The following ARMH4 variants were observed in gnomAD, a reference collection of about 807,000 sequenced individuals.
ARMH4 encodes armadillo like helical domain containing 4.
Under a neutral mutation model 61.9 loss-of-function variants are expected in ARMH4, and 49 were observed. The observed-to-expected ratio is 0.79, with a 90% CI of 0.63 to 1.00. ARMH4 has a LOEUF of 1.00. Among genes scored for constraint, ARMH4 ranks in the 50% least tolerant of loss-of-function variants. ARMH4 has a pLI of 0.00. For missense variants in ARMH4, 934 were observed against 930.0 expected (o/e 1.00, Z -0.06); for synonymous variants, 368 against 341.5 (o/e 1.08, Z -0.85).
At chr14:58,031,233 T>G (rs1883218391) in intron 5 of ARMH4, among the ~76,000 whole-genome samples, 1 of 152,196 alleles carries the variant, frequency 6.6e-6, no homozygotes, top group South Asian at 2.1e-4. Context: ...TGAGCATCGA[T>G]TAGACACTAG....
In ARMH4 at chr14:58,131,677, C is replaced by T; in HGVS notation, c.1666G>A (p.Val556Ile). Residue 556 changes from valine to isoleucine, a missense_variant, in exon 4 of 8, where the codon GTT becomes ATT. Coordinates refer to ENST00000267485, the MANE Select transcript of ARMH4 (RefSeq NM_001001872.4). ...GGAGGTGTCACTGGAGATCCCAGAA[C>T]TGGTGTGAACTCCTCATTTGGCCCT... ...VTGPNEEFTP[V>I]LGSPVTPPGI... The T allele has an allele frequency of 6.2e-7, 1 of 1,613,670 alleles. No individual in the cohort carries two copies.
At position 58,138,608 on chromosome 14, in the gene ARMH4, T is replaced by C. The variant is rs775761256; in HGVS notation, c.751A>G (p.Thr251Ala). The C allele has an allele frequency of 6.2e-7, 1 of 1,614,132 alleles. No homozygotes were observed. The highest frequency in any genetic ancestry group is 8.5e-7 in the Non-Finnish European group (1 of 1,180,022). The change falls in exon 2 of 8, where the codon ACC becomes GCC. Residue 251 changes from threonine (T) to alanine (A), a missense_variant. By Grantham distance (58) the Thr-to-Ala change is moderately conservative. Transcript: ENST00000267485. ...TGCGAAGGCTTCTCCTTATCAGGGG[T>C]GAGGCTTCCAGGCTCACTGCCTGCT... ...STAGSEPGSL[T>A]PDKEKPSQMT...
chr14:58,127,236 C>T (rs1392226758), intron 4 of ARMH4, among the ~76,000 whole-genome samples: 1 of 152,152 alleles, frequency 6.6e-6, no homozygotes, highest in Non-Finnish European at 1.5e-5. Context: ...CAAATTTCAT[C>T]TTGAATTGTA....
In ARMH4 at chr14:58,004,502, C is replaced by T. The variant is rs1355494684; in HGVS notation, c.*234G>A. Reference sequence around the variant, plus strand: ...TGTTGCATATTTATGAGTTGTAGCCCACGGTTGTGGAAAATTCACTACAGA... The same window carrying T: ...TGTTGCATATTTATGAGTTGTAGCCTACGGTTGTGGAAAATTCACTACAGA... On this transcript the variant is annotated 3_prime_UTR_variant, in exon 8 of 8. Transcript: ENST00000267485. The T allele has an allele frequency of 2.9e-5, 11 of 382,788 alleles. No homozygotes were observed. Among genetic ancestry groups the T allele is most frequent in the Non-Finnish European group, 5.2e-5 (11 of 210,516 alleles). 23.7% of individuals were successfully genotyped at this position (382,788 alleles called of 1,614,324 possible).
intron 5 of ARMH4, among the ~76,000 whole-genome samples, chr14:58,028,041 T>C (rs1883083751): frequency 6.6e-6 from 1 of 152,168 alleles, no homozygotes; most frequent in Non-Finnish European, 1.5e-5. Flanking sequence ...TAAGCAAGCA[T>C]GTTACACACC....
At position 58,036,953 on chromosome 14, in the gene ARMH4, A is replaced by T. The variant is rs1236978167; in HGVS notation, c.2090-24803T>A. Among the ~76,000 whole-genome samples the T allele has an allele frequency of 2.5e-5, 3 of 120,414 alleles. 1 individual carries two copies. The highest frequency in any genetic ancestry group is 9.0e-5 in the African/African-American group (3 of 33,418). The allele number at this position is 120,414 out of a possible 152,430, so 79.0% of individuals were successfully genotyped here. A position where few individuals can be genotyped will look rare whatever the true frequency, so the allele number is the denominator to read the frequency against. ...ATGCTCATGGGTAGGAAGAATCAAT[A>T]TCGTGAAAACGGCCATACTGCCCAA... is the stretch of plus-strand genomic sequence containing the variant. On this transcript the variant is annotated intron_variant, in intron 5 of 7. Transcript: ENST00000267485.
chr14:58,097,059 C>A, intron 4 of ARMH4, 78 bp from the exon 5 acceptor site: 3 of 1,418,926 alleles, frequency 2.1e-6, no homozygotes, highest in Non-Finnish European at 2.9e-6. Flanking sequence ...TGGAAATGAT[C>A]CAAACACTAC....
intron 5 of ARMH4, among the ~76,000 whole-genome samples, chr14:58,071,658 T>C (rs1412152963): frequency 1.3e-5 from 2 of 152,196 alleles, no homozygotes; most frequent in Non-Finnish European, 2.9e-5. Context: ...TTTGATTTTA[T>C]CTTTCATATA....
At chr14:58,107,694 G>A (rs1208658749) in intron 4 of ARMH4, among the ~76,000 whole-genome samples, 2 of 151,104 alleles carry the variant, frequency 1.3e-5, no homozygotes, top group African/African-American at 4.9e-5. Context: ...AACCCAGTAG[G>A]CGGAGGTTGC....
chr14:58,100,106 G>A lies in ARMH4; in HGVS notation c.1832-3125C>T, dbSNP rs1885909408. 5.3e-5 allele frequency among the ~76,000 whole-genome samples: 8 copies of A among 152,178 alleles called. 1 individual carries two copies. In the South Asian group the frequency reaches 1.7e-3, roughly 32 times the overall value. The stretch of plus-strand genomic sequence containing the variant: ...GAAACGGTAGGAAAAAGGGAAGGCA[G>A]AGAAACAGGCATGGTGCAGGAAGGT... On this transcript the variant is annotated intron_variant, in intron 4 of 7. Transcript: ENST00000267485.
intron 5 of ARMH4, among the ~76,000 whole-genome samples, chr14:58,061,895 G>T (rs1273438914): frequency 6.6e-6 from 1 of 151,902 alleles, no homozygotes; most frequent in East Asian, 1.9e-4. Flanking sequence ...TCAGAATCCA[G>T]CTTGCACTGG....
rs1388563699 is a variant in ARMH4, at chr14:58,004,446, T to C, written c.*290A>G. ...AAAACTACAAAATATTTACTCTGCC[T>C]AATGTAGCAACTCCTACTGAAAAAC... On this transcript the variant is annotated 3_prime_UTR_variant, in exon 8 of 8. Coordinates refer to ENST00000267485, the MANE Select transcript of ARMH4 (RefSeq NM_001001872.4). 1 of 243,136 alleles carries C rather than the reference T, an allele frequency of 4.1e-6. No individual in the cohort carries two copies. The highest frequency in any genetic ancestry group is 7.6e-5 in the East Asian group (1 of 13,134). 15.1% of individuals were successfully genotyped at this position (243,136 alleles called of 1,614,324 possible).
intron 5 of ARMH4, among the ~76,000 whole-genome samples, chr14:58,021,575 C>A (rs1882831936): frequency 6.6e-6 from 1 of 152,178 alleles, no homozygotes; most frequent in Admixed American, 6.5e-5. Flanking sequence ...ACAAACACGA[C>A]CAATATAGTG....
At chr14:58,030,081 T>TACACTAAGTGAATGAAG (rs1382962885) in intron 5 of ARMH4, among the ~76,000 whole-genome samples, 2 of 152,220 alleles carry the variant, frequency 1.3e-5, no homozygotes, top group Admixed American at 1.3e-4. Flanking sequence ...TTGAAAACAT[T>TACACTAAGTGAATGAAG]ACACTAAGTG....
chr14:58,004,807 A>T lies in ARMH4; in HGVS notation c.2257-3T>A, dbSNP rs775799797. 2 of 1,608,164 alleles carry T rather than the reference A, an allele frequency of 1.2e-6. No homozygotes were observed. The highest frequency in any genetic ancestry group is 1.7e-6 in the Non-Finnish European group (2 of 1,175,012). On this transcript the variant is annotated splice_region_variant and splice_polypyrimidine_tract_variant and intron_variant, in intron 7 of 7. Coordinates refer to ENST00000267485, the MANE Select transcript of ARMH4 (RefSeq NM_001001872.4). ...TGCATGCTGTTGAATTCTCTCTGCT[A>T]GAGAAAGAAAACAGAAAAGCATTAA...
rs1884779903 is a variant in ARMH4 at position 58,068,580 on chromosome 14, G to GACAGTGACAAGATACATTCAGCAAACT, written c.2089+28117_2089+28143dup. ...TGGATTTCAGAGTACCAGGAAAAGA[G>GACAGTGACAAGATACATTCAGCAAACT]ACAGTGACAAGATACATTCAGCAAA... On this transcript the variant is annotated intron_variant, in intron 5 of 7. Coordinates refer to ENST00000267485, the MANE Select transcript of ARMH4 (RefSeq NM_001001872.4). Among the ~76,000 whole-genome samples, 3 of 152,290 alleles carry GACAGTGACAAGATACATTCAGCAAACT rather than the reference G, an allele frequency of 2.0e-5. No homozygotes were observed. In the South Asian group the frequency reaches 6.2e-4, roughly 32 times the overall value.
rs141510552 is a variant in ARMH4, at chr14:58,139,273, G to A, written c.86C>T (p.Pro29Leu). Residue 29 changes from proline to leucine, a missense_variant, in exon 2 of 8, where the codon CCC becomes CTC. Physicochemically the swap from Pro to Leu is moderately conservative, Grantham distance 98. Coordinates refer to ENST00000267485, the MANE Select transcript of ARMH4 (RefSeq NM_001001872.4). ...TATCTCCCTCCTCCTTTCTATTTTG[G>A]GGAAGGCCAGACATTGTGTGGCAAC... is the stretch of plus-strand genomic sequence containing the variant. ...FSVATQCLAF[P>L]KIERRREIAH... The A allele has an allele frequency of 2.0e-4, 317 of 1,614,078 alleles. 6 individuals are homozygous for A. The East Asian group carries it at 6.5e-3, about 33-fold the overall frequency.
At chr14:58,025,685 T>C (rs1882997806) in intron 5 of ARMH4, among the ~76,000 whole-genome samples, 2 of 152,170 alleles carry the variant, frequency 1.3e-5, no homozygotes, top group Admixed American at 1.3e-4. Flanking sequence ...ACTTACTAAG[T>C]TTTAAGTATT....
At chr14:58,134,501 C>G (rs905012092) in intron 2 of ARMH4, among the ~76,000 whole-genome samples, 3 of 152,164 alleles carry the variant, frequency 2.0e-5, no homozygotes, top group Admixed American at 6.5e-5. Flanking sequence ...CTAGAAATTT[C>G]AAACACTGTA....
Sources: allele counts gnomAD v4.1 joint callset (sites outside exome capture counted in the v4.1 genomes callset), GRCh38; gene constraint gnomAD v4.1.1; transcripts MANE v1.5; gene names NCBI Gene and HGNC (gene_info 2026-07-23, HGNC 2026-07-21).